The following ACACB variants were observed in gnomAD, a reference collection of about 807,000 sequenced individuals.
ACACB encodes acetyl-CoA carboxylase beta.
Under a neutral mutation model 278.8 loss-of-function variants are expected in ACACB, and 209 were observed. That is an observed-to-expected ratio of 0.75 (90% confidence interval 0.67 to 0.84). The LOEUF is 0.84. Among genes scored for constraint, ACACB ranks in the 40% least tolerant of loss-of-function variants. The probability of loss-of-function intolerance (pLI) is 0.00; values close to 1 mark genes in which losing one functional copy is unlikely to be tolerated. For synonymous variants in ACACB, 1,174 were observed against 1,285.6 expected, an observed-to-expected ratio of 0.91 and a Z score of 1.86; for missense variants, 2,850 against 3,269.0, an observed-to-expected ratio of 0.87 and a Z score of 3.13.
At chr12:109,225,469 G>A (rs778088648) in intron 27 of ACACB, among the ~76,000 whole-genome samples, 8 of 152,222 alleles carry the variant, frequency 5.3e-5, no homozygotes, top group East Asian at 1.9e-4. Flanking sequence ...CTGGGCTCAC[G>A]CGATCCACCT....
At chr12:109,159,427 C>T (rs968917881) in intron 2 of ACACB, among the ~76,000 whole-genome samples, 10 of 152,196 alleles carry the variant, frequency 6.6e-5, no homozygotes, top group African/African-American at 1.9e-4. Flanking sequence ...ATCCTGCAGA[C>T]GTACATGGTA....
chr12:109,193,951 T>G (rs1161892986), intron 16 of ACACB, among the ~76,000 whole-genome samples: 1 of 152,218 alleles, frequency 6.6e-6, no homozygotes, highest in Non-Finnish European at 1.5e-5. Flanking sequence ...GGAGCGTGGA[T>G]AAGTTTCCTG....
intron 2 of ACACB, among the ~76,000 whole-genome samples, chr12:109,150,378 C>T (rs1276743073): frequency 1.3e-5 from 2 of 152,178 alleles, no homozygotes; most frequent in African/African-American, 2.4e-5. Flanking sequence ...GCCGGGCTTA[C>T]ATCTTAAAGG....
At chr12:109,133,836 CATATATATAT>C (rs71443838) in intron 1 of ACACB, among the ~76,000 whole-genome samples, 2 of 44,692 alleles carry the variant, frequency 4.5e-5, no homozygotes, top group African/African-American at 3.0e-4. Context: ...AATGTGTGTG[CATATATATAT>C]ATATATATAT....
At chr12:109,133,857 ATATATATTTTTTT>A (rs1341701955) in intron 1 of ACACB, among the ~76,000 whole-genome samples, 11 of 49,042 alleles carry the variant, frequency 2.2e-4, no homozygotes, top group African/African-American at 1.1e-3. Flanking sequence ...ATATATATAT[ATATATATTTTTTT>A]TTTTTTTTTT....
chr12:109,244,924 G>C (rs1300245510), intron 37 of ACACB, among the ~76,000 whole-genome samples: 1 of 152,170 alleles, frequency 6.6e-6, no homozygotes, highest in Non-Finnish European at 1.5e-5. Flanking sequence ...TTGCTGCCGG[G>C]CGTGGTGGCT....
chr12:109,131,095 G>A (rs2042813607), intron 1 of ACACB, among the ~76,000 whole-genome samples: 1 of 152,204 alleles, frequency 6.6e-6, no homozygotes, highest in African/African-American at 2.4e-5. Flanking sequence ...GTGGCAAGCT[G>A]GAGGGAGGTG....
In ACACB at chr12:109,265,094, CCT is replaced by C; in HGVS notation, c.6943-15_6943-14del. 1.3e-6 allele frequency: 2 copies of C among 1,595,156 alleles called. No homozygotes were observed. Among genetic ancestry groups the C allele is most frequent in the Non-Finnish European group, 1.7e-6 (2 of 1,170,100 alleles). On this transcript the variant is annotated splice_polypyrimidine_tract_variant and intron_variant, in intron 50 of 52. Transcript: ENST00000338432. ...CTCCTTCCCTTTCCGGGGATTCAAG[CCT>C]GGCTCGTCCACAGGACATCCTGGAG...
chr12:109,214,337 GA>G (rs1392695050), intron 22 of ACACB, among the ~76,000 whole-genome samples: 1 of 152,204 alleles, frequency 6.6e-6, no homozygotes, highest in Non-Finnish European at 1.5e-5. Flanking sequence ...CCATGTGCCA[GA>G]AACTCACAGG....
chr12:109,249,830 A>C, intron 40 of ACACB, 154 bp from the exon 41 acceptor site: 1 of 854,348 alleles, frequency 1.2e-6, no homozygotes, highest in South Asian at 2.0e-5. Flanking sequence ...ACTCATTTTG[A>C]GGGTTCTAGA....
intron 52 of ACACB, among the ~76,000 whole-genome samples, chr12:109,265,850 C>T (rs576587954): frequency 1.3e-5 from 2 of 152,386 alleles, no homozygotes; most frequent in East Asian, 1.9e-4. Flanking sequence ...CATTTGGAAC[C>T]GCTAGCCTTC....
intron 2 of ACACB, among the ~76,000 whole-genome samples, chr12:109,141,536 C>T (rs562361103): frequency 6.6e-6 from 1 of 152,200 alleles, no homozygotes; most frequent in Non-Finnish European, 1.5e-5. Context: ...CCTCTGTTCT[C>T]ATTGTTCTAC....
chr12:109,111,973 C>CCT (rs1462960436), upstream of ACACB, among the ~76,000 whole-genome samples: 2 of 151,758 alleles, frequency 1.3e-5, no homozygotes, highest in Non-Finnish European at 2.9e-5. Context: ...TTGGGATCTT[C>CCT]CTCTAAACAA....
At chr12:109,262,274 C>T (rs377720710) in intron 48 of ACACB, 83 bp from the exon 49 acceptor site, 22 of 1,087,224 alleles carry the variant, frequency 2.0e-5, no homozygotes, top group African/African-American at 1.4e-4. Context: ...GGCTCTCTTC[C>T]CTCCAGCTCC....
intron 44 of ACACB, 27 bp downstream of exon 44, chr12:109,254,361 A>C: frequency 6.3e-7 from 1 of 1,586,532 alleles, no homozygotes; most frequent in Non-Finnish European, 8.5e-7. Flanking sequence ...TTTGCCTAGG[A>C]CCTGGTCTCG....
chr12:109,179,259 A>G lies in ACACB; in HGVS notation c.1609A>G (p.Thr537Ala). 1 of 1,613,842 alleles carries G rather than the reference A, an allele frequency of 6.2e-7. No individual in the cohort carries two copies. Residue 537 changes from threonine to alanine, a missense_variant, in exon 10 of 53, where the codon ACC (threonine) becomes GCC (alanine). This residue lies in a region of ACACB where 2,265 missense variants were observed against 2,561.3 expected (regional missense o/e 0.88). Coordinates refer to ENST00000338432, the MANE Select transcript of ACACB (RefSeq NM_001093.4). ...HQKIVEEAPATIAPLAIFEFM... is the reference protein window; with the variant it reads ...HQKIVEEAPAAIAPLAIFEFM... ...GAAGATCGTTGAGGAAGCACCGGCC[A>G]CCATCGCCCCGCTGGCCATATTCGA...
At chr12:109,213,463 AAC>A (rs1238175554) in intron 22 of ACACB, among the ~76,000 whole-genome samples, 1 of 152,232 alleles carries the variant, frequency 6.6e-6, no homozygotes, top group Non-Finnish European at 1.5e-5. Flanking sequence ...TGTATGATAA[AAC>A]ACTGCAAAAA....
intron 45 of ACACB, among the ~76,000 whole-genome samples, chr12:109,258,003 A>C (rs975050583): frequency 6.6e-6 from 1 of 152,212 alleles, no homozygotes; most frequent in Non-Finnish European, 1.5e-5. Flanking sequence ...CCCTCGTCAC[A>C]GAAAGTTCTA....
chr12:109,216,010 G>T (rs947942764), intron 22 of ACACB, among the ~76,000 whole-genome samples: 4 of 151,870 alleles, frequency 2.6e-5, no homozygotes, highest in Non-Finnish European at 5.9e-5. Context: ...TGTTGCCCAG[G>T]CTGCTCTTGA....
Sources: gnomAD v4.1 joint callset for allele counts (sites outside exome capture counted in the v4.1 genomes callset) on GRCh38, gnomAD v4.1.1 for gene constraint, gnomAD v4.1.1 regional missense constraint, MANE v1.5 for transcripts, NCBI Gene and HGNC (gene_info 2026-07-23, HGNC 2026-07-21) for gene names.